The following ADIPOR2 variants were observed in gnomAD, a reference collection of about 807,000 sequenced individuals.
ADIPOR2 encodes the protein adiponectin receptor protein 2.
A neutral mutation model predicts 40.9 loss-of-function variants in ADIPOR2; 18 were observed. That is an observed-to-expected ratio of 0.44 (90% confidence interval 0.30 to 0.65). The LOEUF (loss-of-function observed/expected upper bound fraction) is 0.65. Among genes scored for constraint, ADIPOR2 ranks in the 30% least tolerant of loss-of-function variants. ADIPOR2 has a pLI of 0.09. For missense variants in ADIPOR2, 283 were observed against 479.2 expected (o/e 0.59, Z 3.82); for synonymous variants, 165 against 166.4 (o/e 0.99, Z 0.06).
chr12:1,721,753 A>G (rs753784551), intron 1 of ADIPOR2, among the ~76,000 whole-genome samples: 1 of 152,150 alleles, frequency 6.6e-6, no homozygotes, highest in African/African-American at 2.4e-5. Flanking sequence ...TGAGTAGGTA[A>G]CCTTTGAGAT....
rs568492542 is a variant in ADIPOR2 at position 1,691,755 on chromosome 12, T to G, written c.-87+564T>G. Among the ~76,000 whole-genome samples the G allele has an allele frequency of 3.3e-5, 5 of 152,306 alleles. No homozygotes were observed. In the South Asian group the frequency reaches 1.0e-3, roughly 32 times the overall value. Reference sequence around the variant, plus strand: ...TTTCCCAAGCCCCCGTCCGTCAGTGTTCGCTTCTTCTAAAATTACCGATGA... The same window carrying G: ...TTTCCCAAGCCCCCGTCCGTCAGTGGTCGCTTCTTCTAAAATTACCGATGA... On this transcript the variant is annotated intron_variant, in intron 1 of 7. Coordinates refer to ENST00000357103, the MANE Select transcript of ADIPOR2 (RefSeq NM_024551.3).
chr12:1,750,173 C>T (rs901564307), intron 1 of ADIPOR2, among the ~76,000 whole-genome samples: 12 of 151,882 alleles, frequency 7.9e-5, no homozygotes, highest in East Asian at 1.9e-4. Context: ...TTTTGCTAAG[C>T]GTATACTTAA....
rs1363247251 is a variant in ADIPOR2, at chr12:1,786,754, A to G, written c.*682A>G. On this transcript the variant is annotated 3_prime_UTR_variant, in exon 8 of 8. Coordinates refer to ENST00000357103, the MANE Select transcript of ADIPOR2 (RefSeq NM_024551.3). The stretch of plus-strand genomic sequence containing the variant: ...ACCAAGATGCCTTCTAAAGGCTGAC[A>G]TACCTTGGACCCTAATGGGGCAGAG... 1.3e-5 allele frequency: 2 copies of G among 152,656 alleles called. No homozygotes were observed. The highest frequency in any genetic ancestry group is 2.9e-5 in the Non-Finnish European group (2 of 68,086). The allele number at this position is 152,656 out of a possible 1,614,324, so 9.5% of individuals were successfully genotyped here. A position where few individuals can be genotyped will look rare whatever the true frequency, so the allele number is the denominator to read the frequency against.
chr12:1,774,138 G>A (rs972113886), intron 3 of ADIPOR2, among the ~76,000 whole-genome samples: 2 of 152,154 alleles, frequency 1.3e-5, no homozygotes, highest in Non-Finnish European at 2.9e-5. Context: ...TGCAAATTTG[G>A]TGTGAAGAAA....
chr12:1,753,393 A>G lies in ADIPOR2; in HGVS notation c.-86-865A>G, dbSNP rs368465731. Reference sequence around the variant, plus strand: ...CTTGCTGCAGTCCAGTTTAGAGAGAAATTAATGATTTCTGAAAATGTTCTT... The same window carrying G: ...CTTGCTGCAGTCCAGTTTAGAGAGAGATTAATGATTTCTGAAAATGTTCTT... On this transcript the variant is annotated intron_variant, in intron 1 of 7. Coordinates refer to ENST00000357103, the MANE Select transcript of ADIPOR2 (RefSeq NM_024551.3). Among the ~76,000 whole-genome samples, 18 of 152,256 alleles carry G rather than the reference A, an allele frequency of 1.2e-4. No homozygotes were observed. In the East Asian group the frequency reaches 1.9e-3, roughly 16 times the overall value.
At chr12:1,712,903 TG>T (rs2094680434) in intron 1 of ADIPOR2, among the ~76,000 whole-genome samples, 1 of 152,156 alleles carries the variant, frequency 6.6e-6, no homozygotes. Flanking sequence ...TAGGCAGAGC[TG>T]GGCCTTTGAT....
intron 1 of ADIPOR2, among the ~76,000 whole-genome samples, chr12:1,735,632 G>C (rs1211195329): frequency 6.6e-6 from 1 of 152,146 alleles, no homozygotes; most frequent in Non-Finnish European, 1.5e-5. Flanking sequence ...CCAACACTAT[G>C]TTGAATAGGA....
intron 1 of ADIPOR2, chr12:1,697,170 T>C (rs1452353811): frequency 1.3e-5 from 2 of 152,266 alleles, no homozygotes; most frequent in Admixed American, 1.3e-4. Context: ...TTTCTAGCTG[T>C]GTGCTTCAGG....
Position 1,769,802 on chromosome 12 carries a change from A to G in ADIPOR2, c.172-3040A>G, listed in dbSNP as rs1347059605. 5.3e-5 allele frequency among the ~76,000 whole-genome samples: 8 copies of G among 151,980 alleles called. No individual in the cohort carries two copies. In the South Asian group the frequency reaches 6.2e-4, roughly 12 times the overall value. Reference sequence around the variant, plus strand: ...GGTGGTGCACCCACGTTGGCCTCCCAAAGTGCTGGGATTACAGATGTGCGA... The same window carrying G: ...GGTGGTGCACCCACGTTGGCCTCCCGAAGTGCTGGGATTACAGATGTGCGA... On this transcript the variant is annotated intron_variant, in intron 2 of 7. Transcript: ENST00000357103.
At chr12:1,741,917 A>G (rs2094743631) in intron 1 of ADIPOR2, among the ~76,000 whole-genome samples, 1 of 152,156 alleles carries the variant, frequency 6.6e-6, no homozygotes, top group Non-Finnish European at 1.5e-5. Flanking sequence ...GATGAATGGA[A>G]TAGGTTAAGA....
chr12:1,695,194 T>C (rs1158148191), intron 1 of ADIPOR2, among the ~76,000 whole-genome samples: 1 of 151,962 alleles, frequency 6.6e-6, no homozygotes, highest in East Asian at 1.9e-4. Context: ...AGTTATTTTT[T>C]ACAAAAATGG....
chr12:1,778,440 T>C (rs921801897), intron 4 of ADIPOR2: 3 of 155,980 alleles, frequency 1.9e-5, no homozygotes, highest in African/African-American at 7.2e-5. Context: ...TCCATAATGA[T>C]TGTATATTAA....
At chr12:1,772,789 T>C (rs1041699597) in intron 2 of ADIPOR2, 53 bp from the exon 3 acceptor site, 39 of 1,553,328 alleles carry the variant, frequency 2.5e-5, no homozygotes, top group Non-Finnish European at 3.4e-5. Flanking sequence ...GTATTGATTG[T>C]GTCATTTGGC....
chr12:1,772,199 C>T (rs745429273), intron 2 of ADIPOR2, among the ~76,000 whole-genome samples: 15 of 152,184 alleles, frequency 9.9e-5, no homozygotes, highest in Non-Finnish European at 1.8e-4. Context: ...TCATTTTCTC[C>T]AGAATGTGGA....
rs181197610 is a variant in ADIPOR2, at chr12:1,748,935, G to A, written c.-86-5323G>A. The stretch of plus-strand genomic sequence containing the variant: ...TCAGATCCCACAGGTTGAGGGCTCC[G>A]TACCTAAGACTACTCCCCTAACACA... On this transcript the variant is annotated intron_variant, in intron 1 of 7. Transcript: ENST00000357103. Among the ~76,000 whole-genome samples the A allele has an allele frequency of 9.7e-4, 147 of 151,990 alleles. 1 individual carries two copies. Among genetic ancestry groups the A allele is most frequent in the African/African-American group, 2.9e-3 (119 of 41,460 alleles).
chr12:1,760,297 C>T (rs1342949924), intron 2 of ADIPOR2, among the ~76,000 whole-genome samples: 2 of 152,146 alleles, frequency 1.3e-5, no homozygotes, highest in Non-Finnish European at 2.9e-5. Context: ...ATCACATTTA[C>T]TCACAGTTGA....
rs895441535 is a variant in ADIPOR2 at position 1,786,345 on chromosome 12, G to A, written c.*273G>A. Reference sequence around the variant, plus strand: ...TTGGGATCTACTGATTGCGGGCTCTGCAAGACCCTTGGCAAACTGGCTTCT... The same window carrying A: ...TTGGGATCTACTGATTGCGGGCTCTACAAGACCCTTGGCAAACTGGCTTCT... On this transcript the variant is annotated 3_prime_UTR_variant, in exon 8 of 8. Transcript: ENST00000357103. 8 of 372,462 alleles carry A rather than the reference G, an allele frequency of 2.1e-5. No homozygotes were observed. The highest frequency in any genetic ancestry group is 3.4e-5 in the Non-Finnish European group (7 of 207,696). The allele number at this position is 372,462 out of a possible 1,614,324, so 23.1% of individuals were successfully genotyped here.
chr12:1,782,255 AT>A (rs1481191251), intron 6 of ADIPOR2, among the ~76,000 whole-genome samples: 1 of 152,132 alleles, frequency 6.6e-6, no homozygotes, highest in African/African-American at 2.4e-5. Context: ...TTAGATGTCC[AT>A]TTTATTTGTG....
At chr12:1,778,486 A>G (rs1263230367) in intron 4 of ADIPOR2, 1 of 152,904 alleles carries the variant, frequency 6.5e-6, no homozygotes, top group Non-Finnish European at 1.5e-5. Context: ...TAGTCTTTCC[A>G]ACAAATGGTG....
Sources: gnomAD v4.1 joint callset for allele counts (sites outside exome capture counted in the v4.1 genomes callset) on GRCh38, gnomAD v4.1.1 for gene constraint, MANE v1.5 for transcripts, NCBI Gene and HGNC (gene_info 2026-07-23, HGNC 2026-07-21) for gene names.